Variants in EHMT1 observed in about 807,000 individuals in gnomAD.
EHMT1 encodes histone-lysine N-methyltransferase EHMT1.
In EHMT1, 15 loss-of-function variants were observed where a neutral mutation model predicts 147.2. The observed-to-expected ratio is 0.10, with a 90% confidence interval of 0.07 to 0.16. The LOEUF is 0.16. EHMT1 is among the 10% of genes least tolerant of loss of function. The probability of loss-of-function intolerance (pLI) is 1.00; values close to 1 mark genes in which losing one functional copy is unlikely to be tolerated. For missense variants in EHMT1, 1,587 were observed against 1,772.4 expected, an observed-to-expected ratio of 0.90 and a Z score of 1.88; for synonymous variants, 795 against 709.6, an observed-to-expected ratio of 1.12 and a Z score of -1.91.
intron 1 of EHMT1, chr9:137,641,417 C>A: frequency 1.9e-6 from 1 of 533,484 alleles, no homozygotes; most frequent in South Asian, 1.4e-5. Context: ...CAAATTCTGT[C>A]ACTTCAGCAC....
intron 1 of EHMT1, among the ~76,000 whole-genome samples, chr9:137,679,322 G>C (rs772594834): frequency 2.0e-4 from 30 of 152,136 alleles, no homozygotes; most frequent in Non-Finnish European, 3.8e-4. Context: ...AACTGAAACT[G>C]TGGCAAGCAA....
intron 1 of EHMT1, among the ~76,000 whole-genome samples, chr9:137,692,912 A>G: frequency 6.6e-6 from 1 of 152,130 alleles, no homozygotes; most frequent in Middle Eastern, 3.4e-3. Flanking sequence ...TGTCTTTTGG[A>G]AAAAAGGGAC....
intron 1 of EHMT1, among the ~76,000 whole-genome samples, chr9:137,636,854 T>G (rs1844110093): frequency 6.6e-6 from 1 of 151,928 alleles, no homozygotes; most frequent in Non-Finnish European, 1.5e-5. Context: ...AGGTACCTCT[T>G]TTTAAAAAAA....
Position 137,817,503 on chromosome 9 carries a change from C to A in EHMT1, c.3439C>A (p.Pro1147Thr). ...GGGCGTGCGGTCCCTGCAGGACATC[C>A]CACCAGGCACCTTTGTCTGCGAGTG... is the stretch of plus-strand genomic sequence containing the variant. Reference protein sequence around the residue: ...GWGVRSLQDIPPGTFVCEYVG... With the variant: ...GWGVRSLQDITPGTFVCEYVG... Residue 1147 changes from proline (P) to threonine (T), a missense_variant, in exon 24 of 27, where the codon CCA becomes ACA. Coordinates refer to ENST00000460843, the MANE Select transcript of EHMT1 (RefSeq NM_024757.5). 1 of 1,614,190 alleles carries A rather than the reference C, an allele frequency of 6.2e-7. No individual in the cohort carries two copies. Among genetic ancestry groups the A allele is most frequent in the Non-Finnish European group, 8.5e-7 (1 of 1,180,022 alleles).
At chr9:137,758,234 G>A (rs1232795527) in intron 9 of EHMT1, among the ~76,000 whole-genome samples, 2 of 152,228 alleles carry the variant, frequency 1.3e-5, no homozygotes, top group African/African-American at 2.4e-5. Flanking sequence ...GTCAACTGGC[G>A]AAGCCCAAGC....
At chr9:137,678,723 C>G (rs1035394521) in intron 1 of EHMT1, among the ~76,000 whole-genome samples, 7 of 144,176 alleles carry the variant, frequency 4.9e-5, no homozygotes, top group Non-Finnish European at 7.6e-5. Context: ...CCCCCCCGCT[C>G]CCCCCGAAAA....
intron 10 of EHMT1, among the ~76,000 whole-genome samples, chr9:137,768,527 G>GCATTTTT (rs1950376243): frequency 7.1e-5 from 2 of 28,142 alleles, no homozygotes; most frequent in African/African-American, 2.2e-4. Flanking sequence ...CTAATTTTTT[G>GCATTTTT]TATTTTTTTT....
At chr9:137,762,987 C>T (rs1009834297) in intron 10 of EHMT1, 167 bp downstream of exon 10, 12 of 852,184 alleles carry the variant, frequency 1.4e-5, no homozygotes, top group Admixed American at 6.1e-5. Flanking sequence ...AGTGAAATCA[C>T]GGCAGATGAT....
chr9:137,739,496 G>C (rs931546523), intron 4 of EHMT1, among the ~76,000 whole-genome samples: 8 of 152,062 alleles, frequency 5.3e-5, no homozygotes, highest in Non-Finnish European at 8.8e-5. Flanking sequence ...GTCCACACTT[G>C]AGTAGAAGCT....
intron 2 of EHMT1, among the ~76,000 whole-genome samples, chr9:137,715,152 A>T (rs1373991935): frequency 6.6e-6 from 1 of 152,220 alleles, no homozygotes; most frequent in African/African-American, 2.4e-5. Flanking sequence ...ATTGTGTCAG[A>T]TGCAGGTGGG....
intron 4 of EHMT1, 186 bp from the exon 5 acceptor site, chr9:137,743,185 A>T: frequency 1.6e-6 from 1 of 630,022 alleles, no homozygotes; most frequent in Non-Finnish European, 2.7e-6. Context: ...ATTCTCTGTG[A>T]ATTGATCGTG....
At chr9:137,678,643 C>G (rs1941625651) in intron 1 of EHMT1, among the ~76,000 whole-genome samples, 1 of 151,830 alleles carries the variant, frequency 6.6e-6, no homozygotes, top group Non-Finnish European at 1.5e-5. Flanking sequence ...AGGTTTTTTT[C>G]TTAGACACAT....
intron 25 of EHMT1, chr9:137,819,918 C>G (rs934305581): frequency 3.3e-5 from 5 of 152,170 alleles, no homozygotes. Context: ...CTCATGTTCC[C>G]TTTACTGTAG....
intron 1 of EHMT1, among the ~76,000 whole-genome samples, chr9:137,663,798 G>A (rs1163146774): frequency 1.3e-5 from 2 of 152,150 alleles, no homozygotes; most frequent in Non-Finnish European, 2.9e-5. Context: ...CCTTCTGTGG[G>A]CGGGACTCAG....
In EHMT1 at chr9:137,744,438, C is replaced by T. The variant is rs1299419896; in HGVS notation, c.1170+348C>T. On this transcript the variant is annotated intron_variant, in intron 6 of 26. Coordinates refer to ENST00000460843, the MANE Select transcript of EHMT1 (RefSeq NM_024757.5). Reference sequence around the variant, plus strand: ...GGGCTCAATGATCCTCCCATCCCAGCCCCCCGAGCAGCTGGGACCACAGGC... The same window carrying T: ...GGGCTCAATGATCCTCCCATCCCAGTCCCCCGAGCAGCTGGGACCACAGGC... Among the ~76,000 whole-genome samples, 5 of 152,100 alleles carry T rather than the reference C, an allele frequency of 3.3e-5. 1 individual carries two copies. Among genetic ancestry groups the T allele is most frequent in the Admixed American group, 2.0e-4 (3 of 15,270 alleles).
chr9:137,800,827 C>G, intron 17 of EHMT1, 53 bp from the exon 18 acceptor site: 1 of 1,552,480 alleles, frequency 6.4e-7, no homozygotes. Flanking sequence ...CCTCATTGCT[C>G]TGGTGGTTGC....
chr9:137,817,848 C>T (rs1296579591), intron 24 of EHMT1: 4 of 634,030 alleles, frequency 6.3e-6, no homozygotes, highest in Non-Finnish European at 1.1e-5. Context: ...TACCAGACCG[C>T]AGACGCAGAG....
At chr9:137,695,126 A>G (rs1445965397) in intron 1 of EHMT1, among the ~76,000 whole-genome samples, 4 of 152,128 alleles carry the variant, frequency 2.6e-5, no homozygotes, top group Admixed American at 2.0e-4. Context: ...AGGTGCTCAC[A>G]CCCTGGGCAC....
intron 19 of EHMT1, among the ~76,000 whole-genome samples, chr9:137,812,198 C>T (rs1431721615): frequency 1.3e-5 from 2 of 152,132 alleles, no homozygotes; most frequent in African/African-American, 4.8e-5. Flanking sequence ...ATTAGCCGGC[C>T]ATGGTGGCAT....
Sources: gnomAD v4.1 joint callset for allele counts (sites outside exome capture counted in the v4.1 genomes callset) on GRCh38, gnomAD v4.1.1 for gene constraint, MANE v1.5 for transcripts, NCBI Gene and HGNC (gene_info 2026-07-23, HGNC 2026-07-21) for gene names.